Variants in AOPEP observed in about 807,000 individuals in gnomAD.
AOPEP encodes aminopeptidase O (putative).
AOPEP carries 77 observed loss-of-function variants against 98.1 expected under a neutral mutation model. The ratio of observed to expected loss-of-function variants is 0.78; its 90% CI spans 0.65 to 0.95. The LOEUF is 0.95. AOPEP is among the 40% of genes least tolerant of loss of function. The pLI is 0.00. For missense variants in AOPEP, 1,024 were observed against 1,024.7 expected, an observed-to-expected ratio of 1.00 and a Z score of 0.01; for synonymous variants, 346 against 365.3, an observed-to-expected ratio of 0.95 and a Z score of 0.60.
downstream of AOPEP, among the ~76,000 whole-genome samples, chr9:95,089,929 C>T (rs2070843097): frequency 6.6e-6 from 1 of 152,226 alleles, no homozygotes; most frequent in Non-Finnish European, 1.5e-5. Context: ...ACAGACGGAC[C>T]CAGGACTGGA....
intron 5 of AOPEP, among the ~76,000 whole-genome samples, chr9:94,829,426 T>C (rs1160300036): frequency 1.3e-5 from 2 of 152,186 alleles, no homozygotes; most frequent in Non-Finnish European, 2.9e-5. Context: ...TGGAAGTCAT[T>C]CTTCCAAAAG....
chr9:94,859,841 T>A (rs1397072417), intron 5 of AOPEP, among the ~76,000 whole-genome samples: 1 of 152,246 alleles, frequency 6.6e-6, no homozygotes, highest in African/African-American at 2.4e-5. Context: ...CAGGCACTAT[T>A]ATACTCAAGT....
chr9:95,082,560 C>A lies in AOPEP; in HGVS notation c.2320-15C>A. The A allele has an allele frequency of 1.2e-6, 2 of 1,613,726 alleles. No individual in the cohort carries two copies. The highest frequency in any genetic ancestry group is 2.2e-5 in the South Asian group (2 of 91,058). On this transcript the variant is annotated splice_polypyrimidine_tract_variant and intron_variant, in intron 15 of 16. Transcript: ENST00000375315. ...ACACCTTCGCCTGATGCCCTTTGGC[C>A]TCTGTGCCCTGCAGGCCATGGGTGT...
intron 5 of AOPEP, 59 bp from the exon 6 acceptor site, chr9:94,923,927 A>G (rs1339286180): frequency 8.4e-7 from 1 of 1,191,556 alleles, no homozygotes; most frequent in Non-Finnish European, 1.1e-6. Flanking sequence ...GCCCCATCGG[A>G]TGGCCATGAG....
chr9:94,800,994 G>A lies in AOPEP; in HGVS notation c.1356G>A (p.Gly452=), dbSNP rs775798632. The A allele has an allele frequency of 2.7e-5, 44 of 1,614,058 alleles. No individual in the cohort carries two copies. Among genetic ancestry groups the A allele is most frequent in the Non-Finnish European group, 3.7e-5 (44 of 1,180,004 alleles). ...LIVPANFPSL[G]MASPHIMFLS... is the part of the protein sequence containing the mutation. ...TCCCTGCCAACTTTCCAAGTCTGGG[G>A]ATGGCCAGGTATGTTGTTCCATTGT... Residue 452 remains glycine, a synonymous_variant, in exon 5 of 17, where the codon GGG becomes GGA. Coordinates refer to ENST00000375315, the MANE Select transcript of AOPEP (RefSeq NM_001193329.3).
chr9:95,060,696 T>G lies in AOPEP; in HGVS notation c.2118T>G (p.Leu706=), dbSNP rs1320838315. 6.2e-7 allele frequency: 1 copy of G among 1,609,862 alleles called. No individual in the cohort carries two copies. The highest frequency in any genetic ancestry group is 1.3e-5 in the African/African-American group (1 of 74,850). Residue 706 remains leucine, a splice_region_variant and synonymous_variant, in exon 14 of 17, where the codon CTT becomes CTG. Transcript: ENST00000375315. ...AGGCTGTTTGGTTTTGTCTTTAGCT[T>G]CTTCCAGACCAGCTGGTCTTGCTTC... ...RREKEEVFEK[L]LPDQLVLLLE...
At chr9:94,950,249 G>C (rs7870160) in intron 7 of AOPEP, among the ~76,000 whole-genome samples, 91,246 of 152,000 alleles carry the variant, frequency 0.6, 28,304 homozygotes, top group African/African-American at 0.77. Flanking sequence ...GCTACTGGAG[G>C]CTCAGTCAGA....
At chr9:94,962,217 C>T (rs2058892228) in intron 9 of AOPEP, among the ~76,000 whole-genome samples, 1 of 152,196 alleles carries the variant, frequency 6.6e-6, no homozygotes, top group African/African-American at 2.4e-5. Context: ...ATTTAGGTGA[C>T]AGCCCTAGAA....
At chr9:94,857,859 T>G (rs1002634102) in intron 5 of AOPEP, among the ~76,000 whole-genome samples, 3 of 152,204 alleles carry the variant, frequency 2.0e-5, no homozygotes, top group African/African-American at 4.8e-5. Flanking sequence ...CAAAAACATT[T>G]TGGAAGCTAT....
chr9:94,913,318 T>C (rs931924509), intron 5 of AOPEP, among the ~76,000 whole-genome samples: 1 of 152,178 alleles, frequency 6.6e-6, no homozygotes, highest in Non-Finnish European at 1.5e-5. Flanking sequence ...CTTTTATTTG[T>C]TTATTTTTGT....
intron 13 of AOPEP, among the ~76,000 whole-genome samples, chr9:95,006,371 G>A (rs1352512962): frequency 6.6e-6 from 1 of 152,118 alleles, no homozygotes; most frequent in Non-Finnish European, 1.5e-5. Context: ...TTAAAATAGC[G>A]GTGTGTTTTT....
intron 2 of AOPEP, among the ~76,000 whole-genome samples, chr9:94,760,929 T>G (rs1055548994): frequency 3.3e-5 from 5 of 152,148 alleles, no homozygotes; most frequent in African/African-American, 1.2e-4. Context: ...CGTCTCCGAG[T>G]GAATACTTGC....
intron 11 of AOPEP, among the ~76,000 whole-genome samples, chr9:94,995,756 A>G (rs2061181293): frequency 6.6e-6 from 1 of 152,238 alleles, no homozygotes; most frequent in Admixed American, 6.5e-5. Flanking sequence ...CATACCTAAT[A>G]TAAATCTGAA....
chr9:95,125,120 C>T, the AOPEP span: 1 of 1,614,208 alleles, frequency 6.2e-7, no homozygotes, highest in Non-Finnish European at 8.5e-7. Context: ...TTCTACAAAG[C>T]ACTGCGTAAA....
chr9:94,824,172 C>T (rs895465719), intron 5 of AOPEP: 6 of 152,156 alleles, frequency 3.9e-5, no homozygotes, highest in Admixed American at 2.0e-4. Flanking sequence ...TCTCACAACA[C>T]GTTTTTTAGG....
intron 5 of AOPEP, among the ~76,000 whole-genome samples, chr9:94,863,341 C>T (rs1307124866): frequency 6.3e-5 from 9 of 143,866 alleles, no homozygotes; most frequent in East Asian, 2.0e-4. Context: ...AGTGCAGTGG[C>T]GTGGTCTCGG....
chr9:94,963,200 T>G (rs1403275543), intron 9 of AOPEP, among the ~76,000 whole-genome samples: 2 of 152,140 alleles, frequency 1.3e-5, no homozygotes, highest in Non-Finnish European at 2.9e-5. Flanking sequence ...CCCTTCCCCA[T>G]GAACATGATA....
In AOPEP at chr9:94,914,523, C is replaced by CGTGTGTGTGTGTGTGTGTGTGT. The variant is rs67826706; in HGVS notation, c.1365-9446_1365-9425dup. 2.3e-3 allele frequency among the ~76,000 whole-genome samples: 328 copies of CGTGTGTGTGTGTGTGTGTGTGT among 143,688 alleles called. 2 individuals carry two copies. Among genetic ancestry groups the CGTGTGTGTGTGTGTGTGTGTGT allele is most frequent in the Non-Finnish European group, 4.1e-3 (271 of 65,766 alleles). 94.3% of individuals were successfully genotyped at this position (143,688 alleles called of 152,430 possible). ...TAAAATATTGCCCTTTGGCATTAGA[C>CGTGTGTGTGTGTGTGTGTGTGT]GTGTGTGTGTGTGTGTGTGTGTGTG... On this transcript the variant is annotated intron_variant, in intron 5 of 16. Coordinates refer to ENST00000375315, the MANE Select transcript of AOPEP (RefSeq NM_001193329.3).
At chr9:95,040,046 C>T (rs2065153174) in intron 13 of AOPEP, among the ~76,000 whole-genome samples, 1 of 152,204 alleles carries the variant, frequency 6.6e-6, no homozygotes. Context: ...CAGGCCTCAT[C>T]AGCCCTGCTT....
Sources: allele counts gnomAD v4.1 joint callset (sites outside exome capture counted in the v4.1 genomes callset), GRCh38; gene constraint gnomAD v4.1.1; transcripts MANE v1.5; gene names NCBI Gene and HGNC (gene_info 2026-07-23, HGNC 2026-07-21).